NEGR1: variants seen among roughly 807,000 people sequenced by gnomAD.
NEGR1 encodes the protein neuronal growth regulator 1.
A neutral mutation model predicts 40.9 loss-of-function variants in NEGR1; 10 were observed. The observed-to-expected ratio is 0.24, with a 90% CI of 0.15 to 0.42. The LOEUF (loss-of-function observed/expected upper bound fraction) is 0.42. Ranked by LOEUF, NEGR1 falls within the 10% of genes least tolerant of loss-of-function variation. The pLI is 1.00. For synonymous variants in NEGR1, 185 were observed against 166.8 expected, an observed-to-expected ratio of 1.11 and a Z score of -0.84; for missense variants, 352 against 438.9, an observed-to-expected ratio of 0.80 and a Z score of 1.77.
At chr1:71,792,786 G>A (rs537009327) in intron 2 of NEGR1, among the ~76,000 whole-genome samples, 4 of 152,078 alleles carry the variant, frequency 2.6e-5, no homozygotes, top group Non-Finnish European at 5.9e-5. Context: ...TAAGCTGTAT[G>A]CTTGTTACTA....
intron 1 of NEGR1, among the ~76,000 whole-genome samples, chr1:72,064,064 TA>T (rs965435029): frequency 4.0e-5 from 6 of 151,354 alleles, no homozygotes; most frequent in African/African-American, 9.7e-5. Context: ...TAAAAGTTAT[TA>T]AAAAAAGGAA....
intron 4 of NEGR1, among the ~76,000 whole-genome samples, chr1:71,664,619 A>G (rs1652177666): frequency 6.6e-6 from 1 of 152,172 alleles, no homozygotes; most frequent in Admixed American, 6.5e-5. Context: ...TATTAAATCA[A>G]TTAAATTTGG....
chr1:71,451,700 C>T (rs940772727), intron 6 of NEGR1, among the ~76,000 whole-genome samples: 5 of 152,092 alleles, frequency 3.3e-5, no homozygotes, highest in Admixed American at 2.6e-4. Flanking sequence ...GGACAGAGCT[C>T]TGTTCTTTTC....
Position 72,183,769 on chromosome 1 carries a change from C to T in NEGR1, c.176+98550G>A, listed in dbSNP as rs148190586. Among the ~76,000 whole-genome samples, 780 of 152,114 alleles carry T rather than the reference C, an allele frequency of 5.1e-3. 7 individuals are homozygous for T. The highest frequency in any genetic ancestry group is 0.018 in the African/African-American group (753 of 41,496). Reference sequence around the variant, plus strand: ...TTGCTAAATCCTGTAATCCAGAGGTCTACAAAATGTATAAGAACTTGAGAG... The same window carrying T: ...TTGCTAAATCCTGTAATCCAGAGGTTTACAAAATGTATAAGAACTTGAGAG... On this transcript the variant is annotated intron_variant, in intron 1 of 6. Transcript: ENST00000357731.
chr1:72,146,981 T>C (rs987849955), intron 1 of NEGR1, among the ~76,000 whole-genome samples: 17 of 152,330 alleles, frequency 1.1e-4, no homozygotes, highest in Admixed American at 8.5e-4. Context: ...TTCTCTTCAT[T>C]GACCTACATA....
intron 1 of NEGR1, among the ~76,000 whole-genome samples, chr1:72,242,603 T>G (rs1026568): frequency 0.022 from 3,316 of 151,726 alleles, 55 homozygotes; most frequent in African/African-American, 0.032. Context: ...AACCAATAAT[T>G]TACTCATGAT....
intron 1 of NEGR1, among the ~76,000 whole-genome samples, chr1:72,129,332 C>T (rs1478204632): frequency 6.6e-6 from 1 of 152,024 alleles, no homozygotes; most frequent in Non-Finnish European, 1.5e-5. Context: ...TTGACCAAAA[C>T]GTATTTACTT....
chr1:72,274,595 C>G (rs1050821482), intron 1 of NEGR1: 6 of 782,204 alleles, frequency 7.7e-6, no homozygotes, highest in East Asian at 2.4e-5. Context: ...GGCGAAAGCC[C>G]ATACCTTTAA....
At chr1:72,271,981 A>G (rs1040203586) in intron 1 of NEGR1, among the ~76,000 whole-genome samples, 2 of 151,858 alleles carry the variant, frequency 1.3e-5, no homozygotes, top group South Asian at 4.1e-4. Flanking sequence ...TGGAACTGTA[A>G]GTCCAATTAA....
chr1:71,881,214 C>CT (rs1213618560), intron 2 of NEGR1, among the ~76,000 whole-genome samples: 2 of 151,872 alleles, frequency 1.3e-5, no homozygotes, highest in South Asian at 2.1e-4. Flanking sequence ...TTATGACTGA[C>CT]TTTTTTCTGA....
At chr1:71,961,566 T>C (rs1646165587) in intron 1 of NEGR1, among the ~76,000 whole-genome samples, 1 of 152,084 alleles carries the variant, frequency 6.6e-6, no homozygotes, top group Admixed American at 6.6e-5. Context: ...AGGAAGTCAT[T>C]GACTGAACAG....
intron 4 of NEGR1, among the ~76,000 whole-genome samples, chr1:71,657,449 G>A (rs1255042669): frequency 6.6e-6 from 1 of 152,054 alleles, no homozygotes. Flanking sequence ...AAACCAAATC[G>A]GAAGTCACAA....
chr1:72,150,711 T>C (rs1166872004), intron 1 of NEGR1, among the ~76,000 whole-genome samples: 2 of 152,142 alleles, frequency 1.3e-5, no homozygotes, highest in Non-Finnish European at 2.9e-5. Context: ...ACAGTGAAGA[T>C]TTGCTGGTGA....
At chr1:72,026,110 C>CAAAAACAA (rs1646806414) in intron 1 of NEGR1, among the ~76,000 whole-genome samples, 1 of 31,140 alleles carries the variant, frequency 3.2e-5, no homozygotes, top group Non-Finnish European at 6.5e-5. Flanking sequence ...GACTCCGTCT[C>CAAAAACAA]AAAAAAAAAA....
chr1:71,472,445 A>G (rs1012508816), intron 6 of NEGR1: 1 of 152,152 alleles, frequency 6.6e-6, no homozygotes, highest in African/African-American at 2.4e-5. Context: ...TTTTGGTGTA[A>G]AAGATGAAAT....
intron 6 of NEGR1, among the ~76,000 whole-genome samples, chr1:71,568,850 G>A (rs112655336): frequency 6.6e-6 from 1 of 151,046 alleles, no homozygotes; most frequent in Non-Finnish European, 1.5e-5. Flanking sequence ...GTGTGTGTGT[G>A]TGTGTGTGTG....
intron 1 of NEGR1, among the ~76,000 whole-genome samples, chr1:71,945,744 T>A (rs1039916954): frequency 6.6e-6 from 1 of 152,176 alleles, no homozygotes; most frequent in Admixed American, 6.5e-5. Context: ...TACTAGCAAC[T>A]GTTTTGGGCA....
intron 2 of NEGR1, among the ~76,000 whole-genome samples, chr1:71,932,044 A>G (rs1444968230): frequency 2.0e-5 from 3 of 152,142 alleles, no homozygotes; most frequent in African/African-American, 7.2e-5. Context: ...TTTTAAAGCC[A>G]GGCTCCAAAT....
chr1:72,205,894 G>C (rs1398019126), intron 1 of NEGR1, among the ~76,000 whole-genome samples: 1 of 148,934 alleles, frequency 6.7e-6, no homozygotes, highest in Non-Finnish European at 1.5e-5. Flanking sequence ...AATGAGCCAA[G>C]ATTACACCAC....
Sources: gnomAD v4.1 joint callset for allele counts (sites outside exome capture counted in the v4.1 genomes callset) on GRCh38, gnomAD v4.1.1 for gene constraint, MANE v1.5 for transcripts, NCBI Gene and HGNC (gene_info 2026-07-23, HGNC 2026-07-21) for gene names.